The following DBF4 variants were observed in gnomAD, a reference collection of about 807,000 sequenced individuals.
The protein encoded by DBF4 is protein DBF4 homolog A.
In DBF4, 25 loss-of-function variants were observed where a neutral mutation model predicts 76.6. The observed-to-expected ratio is 0.33, with a 90% CI of 0.24 to 0.46. The LOEUF (loss-of-function observed/expected upper bound fraction) is 0.46, where lower values mean the gene tolerates loss of function less well. Ranked by LOEUF, DBF4 falls within the 20% of genes least tolerant of loss-of-function variation. The probability of loss-of-function intolerance (pLI) is 1.00; values close to 1 mark genes in which losing one functional copy is unlikely to be tolerated. For missense variants in DBF4, 638 were observed against 760.8 expected (o/e 0.84, Z 1.90); for synonymous variants, 213 against 258.0 (o/e 0.83, Z 1.67).
chr7:87,886,719 G>A, intron 3 of DBF4, 125 bp from the exon 4 acceptor site: 1 of 634,910 alleles, frequency 1.6e-6, no homozygotes, highest in Non-Finnish European at 2.8e-6. Flanking sequence ...AAACCAAAGA[G>A]GTCACCCAAA....
Position 87,900,801 on chromosome 7 carries a change from A to G in DBF4, c.847A>G (p.Ile283Val), listed in dbSNP as rs752465866. 2.4e-5 allele frequency: 38 copies of G among 1,613,348 alleles called. No homozygotes were observed. Among genetic ancestry groups the G allele is most frequent in the Middle Eastern group, 1.6e-4 (1 of 6,078 alleles). The change falls in exon 10 of 12, where the codon ATT (isoleucine) becomes GTT (valine). Residue 283 changes from isoleucine (I) to valine (V), a missense_variant. By Grantham distance (29) the Ile-to-Val change is conservative. Coordinates refer to ENST00000265728, the MANE Select transcript of DBF4 (RefSeq NM_006716.4). The stretch of plus-strand genomic sequence containing the variant: ...TGGCGATAAGTATGGTGGAACCTCA[A>G]TTCAACTCCAGTTGAAAGAGAAGAA... ...TDGDKYGGTS[I>V]QLQLKEKKKK...
At chr7:87,896,242 A>G (rs1839636111) in intron 6 of DBF4, 1 of 388,140 alleles carries the variant, frequency 2.6e-6, no homozygotes, top group African/African-American at 2.1e-5. Flanking sequence ...CTACCTTTTC[A>G]TTATTGGTTT....
chr7:87,885,193 G>A (rs1264506682), intron 3 of DBF4, 35 bp downstream of exon 3: 2 of 1,516,304 alleles, frequency 1.3e-6, no homozygotes, highest in African/African-American at 1.4e-5. Flanking sequence ...GACTCAGAAG[G>A]GCTATATCCT....
chr7:87,887,286 TAAA>T, intron 4 of DBF4, 40 bp from the exon 5 acceptor site: 1 of 1,345,474 alleles, frequency 7.4e-7, no homozygotes, highest in Non-Finnish European at 1.0e-6. Flanking sequence ...TAGCTCATCT[TAAA>T]TAATTTCCTA....
At chr7:87,876,917 C>G in intron 1 of DBF4, 139 bp downstream of exon 1, 1 of 906,442 alleles carries the variant, frequency 1.1e-6, no homozygotes, top group Non-Finnish European at 1.7e-6. Context: ...AAGGAAGGAG[C>G]CCCCGTTCAG....
chr7:87,879,258 G>C (rs1022875559), intron 2 of DBF4, among the ~76,000 whole-genome samples: 3 of 152,118 alleles, frequency 2.0e-5, no homozygotes, highest in Non-Finnish European at 2.9e-5. Context: ...CCGATTCCCA[G>C]ACTAGAAACT....
At chr7:87,892,775 C>G (rs1457916722) in intron 6 of DBF4, among the ~76,000 whole-genome samples, 1 of 152,126 alleles carries the variant, frequency 6.6e-6, no homozygotes, top group East Asian at 1.9e-4. Context: ...TTTTAAATTT[C>G]TCTTGTGACT....
chr7:87,882,030 A>G (rs1839227117), intron 2 of DBF4, among the ~76,000 whole-genome samples: 1 of 152,208 alleles, frequency 6.6e-6, no homozygotes, highest in African/African-American at 2.4e-5. Flanking sequence ...ACAAAATTAT[A>G]TTAGGGCTAG....
chr7:87,895,540 T>G (rs2131063487), intron 6 of DBF4, among the ~76,000 whole-genome samples: 1 of 152,298 alleles, frequency 6.6e-6, no homozygotes, highest in East Asian at 1.9e-4. Flanking sequence ...CTGTTCTGTC[T>G]TGGTGGTTGT....
At chr7:87,887,795 C>T (rs1379968137) in intron 5 of DBF4, among the ~76,000 whole-genome samples, 188 bp from the exon 6 acceptor site, 1 of 152,130 alleles carries the variant, frequency 6.6e-6, no homozygotes, top group Non-Finnish European at 1.5e-5. Flanking sequence ...GGTCCCATCT[C>T]TCAGTAAGTA....
At chr7:87,894,228 G>T (rs1839568862) in intron 6 of DBF4, among the ~76,000 whole-genome samples, 1 of 152,178 alleles carries the variant, frequency 6.6e-6, no homozygotes, top group Admixed American at 6.5e-5. Context: ...GGCCAAGGTG[G>T]GTGGATCACT....
chr7:87,900,253 A>G lies in DBF4; in HGVS notation c.713A>G (p.Asn238Ser). 6.2e-7 allele frequency: 1 copy of G among 1,600,544 alleles called. No individual in the cohort carries two copies. The highest frequency in any genetic ancestry group is 1.1e-5 in the South Asian group (1 of 89,922). The change falls in exon 9 of 12, where the codon AAT (asparagine) becomes AGT (serine). Residue 238 changes from asparagine (N) to serine (S), a missense_variant. Asn to Ser is a conservative substitution (Grantham distance 46, BLOSUM62 1). Transcript: ENST00000265728. ...LYRPFYLQLT[N>S]MPFINYSIQK... is the part of the protein sequence containing the mutation. ...AGGCCATTTTATCTTCAGCTGACCA[A>G]TATGCCTTTTATAAATTATTCTATT... is the stretch of plus-strand genomic sequence containing the variant.
chr7:87,897,843 C>T (rs1363799738), intron 8 of DBF4, among the ~76,000 whole-genome samples: 5 of 152,106 alleles, frequency 3.3e-5, no homozygotes, highest in South Asian at 4.1e-4. Context: ...GGCACGATCT[C>T]GGCTCACTGC....
chr7:87,893,236 CTT>C (rs869114624), intron 6 of DBF4, among the ~76,000 whole-genome samples: 7 of 126,738 alleles, frequency 5.5e-5, no homozygotes, highest in Middle Eastern at 4.2e-3. Flanking sequence ...ATTTAATATT[CTT>C]TTTTTTTTTT....
chr7:87,901,843 G>A (rs1373005846), intron 10 of DBF4, among the ~76,000 whole-genome samples: 6 of 152,094 alleles, frequency 3.9e-5, no homozygotes, highest in Admixed American at 3.3e-4. Flanking sequence ...TGTTTGGTTC[G>A]GTTTTGGTAG....
chr7:87,889,943 T>A (rs1358176649), intron 6 of DBF4, among the ~76,000 whole-genome samples: 3 of 152,210 alleles, frequency 2.0e-5, no homozygotes, highest in African/African-American at 7.2e-5. Context: ...TGTATTGGAC[T>A]TTGCTAAATG....
rs1839744085 is a variant in DBF4, at chr7:87,900,314, A to G, written c.774A>G (p.Pro258=). ...KPCSPFDVDK[P]SSMQKQTQVK... ...GCAGTCCATTTGATGTAGACAAGCC[A>G]TCTAGTATGCAAAAGCAAACTCAGG... Residue 258 remains proline (P), a synonymous_variant, in exon 9 of 12, where the codon CCA becomes CCG. Transcript: ENST00000265728. 1.3e-6 allele frequency: 2 copies of G among 1,597,250 alleles called. No individual in the cohort carries two copies. Among genetic ancestry groups the G allele is most frequent in the Non-Finnish European group, 1.7e-6 (2 of 1,175,660 alleles).
At chr7:87,882,811 TAAC>T (rs1220270883) in intron 2 of DBF4, among the ~76,000 whole-genome samples, 2 of 152,162 alleles carry the variant, frequency 1.3e-5, no homozygotes, top group Non-Finnish European at 2.9e-5. Flanking sequence ...TAACAAGTGT[TAAC>T]AAAGATTTGA....
chr7:87,881,685 A>G lies in DBF4; in HGVS notation c.220-3294A>G, dbSNP rs1232035216. Among the ~76,000 whole-genome samples the G allele has an allele frequency of 2.0e-5, 3 of 152,356 alleles. No individual in the cohort carries two copies. In the East Asian group the frequency reaches 5.8e-4, roughly 29 times the overall value. On this transcript the variant is annotated intron_variant, in intron 2 of 11. Transcript: ENST00000265728. ...ATCAGCACTATTTTAGATCCTAGAG[A>G]TACAAAAATAAGTAAAATATAACCC...
Sources: allele counts gnomAD v4.1 joint callset (sites outside exome capture counted in the v4.1 genomes callset), GRCh38; gene constraint gnomAD v4.1.1; transcripts MANE v1.5; gene names NCBI Gene and HGNC (gene_info 2026-07-23, HGNC 2026-07-21).